Variants in ABCB11 observed in about 807,000 individuals in gnomAD.
ABCB11 encodes the protein bile salt export pump.
A neutral mutation model predicts 148.0 loss-of-function variants in ABCB11; 95 were observed. That is an observed-to-expected ratio of 0.64 (90% confidence interval 0.54 to 0.76). ABCB11 has a LOEUF of 0.76. Ranked by LOEUF, ABCB11 falls within the 30% of genes least tolerant of loss-of-function variation. ABCB11 has a pLI of 0.00. For missense variants in ABCB11, 1,523 were observed against 1,617.8 expected (o/e 0.94, Z 1.01); for synonymous variants, 591 against 555.4 (o/e 1.06, Z -0.90).
intron 16 of ABCB11, 86 bp from the exon 17 acceptor site, chr2:168,968,576 A>G: frequency 1.8e-6 from 2 of 1,131,206 alleles, no homozygotes; most frequent in Non-Finnish European, 2.5e-6. Flanking sequence ...GTTTGCTTAG[A>G]ATATAATTAC....
At chr2:168,946,245 C>G (rs903684620) in intron 19 of ABCB11, among the ~76,000 whole-genome samples, 4 of 151,830 alleles carry the variant, frequency 2.6e-5, no homozygotes, top group Non-Finnish European at 5.9e-5. Flanking sequence ...GTCATTAAAA[C>G]AGTGTCAACA....
chr2:169,010,776 A>G (rs987425075), intron 5 of ABCB11, among the ~76,000 whole-genome samples: 1 of 152,176 alleles, frequency 6.6e-6, no homozygotes, highest in African/African-American at 2.4e-5. Flanking sequence ...TAGAACAAAT[A>G]GTATTCATGT....
rs755766647 is a variant in ABCB11, at chr2:168,944,645, A to G, written c.2570T>C (p.Leu857Ser). The G allele has an allele frequency of 6.2e-7, 1 of 1,611,642 alleles. No individual in the cohort carries two copies. The highest frequency in any genetic ancestry group is 8.5e-7 in the Non-Finnish European group (1 of 1,178,702). Residue 857 changes from leucine to serine, a missense_variant, in exon 21 of 28, where the codon TTG (leucine) becomes TCG (serine). Transcript: ENST00000650372. ...FDDLRNSPGA[L>S]TTRLATDASQ... The stretch of plus-strand genomic sequence containing the variant: ...AGCATCTGTAGCAAGTCTTGTTGTC[A>G]ATGCTCCAGGGCTATTTCTGAGGTC...
intron 18 of ABCB11, among the ~76,000 whole-genome samples, chr2:168,962,627 T>A (rs979497264): frequency 2.0e-5 from 3 of 151,720 alleles, no homozygotes; most frequent in African/African-American, 7.2e-5. Flanking sequence ...TAGAAAAAAT[T>A]AAAATGCAAA....
chr2:168,924,091 G>C (rs547264107), intron 27 of ABCB11, among the ~76,000 whole-genome samples: 1 of 152,190 alleles, frequency 6.6e-6, no homozygotes, highest in East Asian at 1.9e-4. Flanking sequence ...TGATGGTCTA[G>C]TTTCCTGAAA....
At chr2:169,029,616 G>C (rs116726197) in intron 1 of ABCB11, among the ~76,000 whole-genome samples, 597 of 152,088 alleles carry the variant, frequency 3.9e-3, no homozygotes, top group Non-Finnish European at 6.3e-3. Flanking sequence ...TTCTTCAGAG[G>C]CACCGTTGAG....
intron 5 of ABCB11, among the ~76,000 whole-genome samples, chr2:168,997,054 AG>A (rs1694740185): frequency 6.6e-6 from 1 of 152,138 alleles, no homozygotes; most frequent in East Asian, 1.9e-4. Context: ...CCTAAATGGC[AG>A]CCCAGGGCTT....
chr2:168,972,165 T>A (rs1484222158), intron 13 of ABCB11, 115 bp from the exon 14 acceptor site: 2 of 867,670 alleles, frequency 2.3e-6, no homozygotes, highest in Non-Finnish European at 3.6e-6. Flanking sequence ...AAGATTCTAA[T>A]GGAAACAATT....
intron 17 of ABCB11, among the ~76,000 whole-genome samples, chr2:168,965,740 G>T (rs1693285907): frequency 6.6e-6 from 1 of 151,792 alleles, no homozygotes; most frequent in Non-Finnish European, 1.5e-5. Flanking sequence ...CCATCTAGAT[G>T]AATCCATTCA....
chr2:168,955,119 T>G (rs972288274), intron 19 of ABCB11, among the ~76,000 whole-genome samples: 1 of 151,676 alleles, frequency 6.6e-6, no homozygotes, highest in East Asian at 1.9e-4. Context: ...AAAATGCTAT[T>G]TATCTCCTTG....
intron 10 of ABCB11, among the ~76,000 whole-genome samples, chr2:168,985,436 T>C (rs1393164723): frequency 6.6e-6 from 1 of 152,142 alleles, no homozygotes; most frequent in African/African-American, 2.4e-5. Context: ...ACAAAAGAGA[T>C]ACTTGCACAC....
At chr2:168,949,525 A>C (rs2105920370) in intron 19 of ABCB11, among the ~76,000 whole-genome samples, 1 of 151,828 alleles carries the variant, frequency 6.6e-6, no homozygotes, top group South Asian at 2.1e-4. Context: ...GCTGCAAAAG[A>C]CATGATTTCA....
In ABCB11 at chr2:168,995,419, T is replaced by C. The variant is rs1202797923; in HGVS notation, c.541A>G (p.Arg181Gly). 1.9e-6 allele frequency: 3 copies of C among 1,612,404 alleles called. No homozygotes were observed. The highest frequency in any genetic ancestry group is 1.1e-5 in the South Asian group (1 of 90,976). Residue 181 changes from arginine to glycine, a missense_variant, in exon 7 of 28, where the codon AGA becomes GGA. Physicochemically the swap from Arg to Gly is moderately radical, Grantham distance 125. Coordinates refer to ENST00000650372, the MANE Select transcript of ABCB11 (RefSeq NM_003742.4). ...CACCCTATTTCCATTCTCATTATTC[T>C]CCTAAAGTAAAATTTTCTCATTTTC... ...IQKMRKFYFR[R>G]IMRMEIGWFD...
intron 21 of ABCB11, among the ~76,000 whole-genome samples, chr2:168,942,306 A>G (rs972241821): frequency 2.0e-5 from 3 of 151,870 alleles, no homozygotes; most frequent in African/African-American, 7.2e-5. Flanking sequence ...TAGCAATCCT[A>G]CTGTGTATGT....
chr2:169,010,666 C>T (rs975308598), intron 5 of ABCB11, among the ~76,000 whole-genome samples: 3 of 152,194 alleles, frequency 2.0e-5, no homozygotes, highest in Non-Finnish European at 4.4e-5. Flanking sequence ...AAACTACTTA[C>T]AGGTAGAAAA....
chr2:168,930,951 C>T (rs751483031), intron 24 of ABCB11, 89 bp from the exon 25 acceptor site: 12 of 1,157,548 alleles, frequency 1.0e-5, no homozygotes, highest in Non-Finnish European at 1.5e-5. Flanking sequence ...AAAATCCCTG[C>T]TTGAGATACC....
intron 19 of ABCB11, among the ~76,000 whole-genome samples, chr2:168,953,772 C>T (rs990181078): frequency 3.3e-5 from 5 of 151,726 alleles, no homozygotes; most frequent in Non-Finnish European, 5.9e-5. Flanking sequence ...ACCTGCGTCC[C>T]ATTCTATTCA....
At chr2:168,924,132 T>C (rs1405792884) in intron 27 of ABCB11, among the ~76,000 whole-genome samples, 1 of 152,188 alleles carries the variant, frequency 6.6e-6, no homozygotes, top group African/African-American at 2.4e-5. Context: ...AGGGTAGCAG[T>C]TAAGTGGCCA....
chr2:169,016,948 T>C (rs1695377173), intron 2 of ABCB11, 149 bp from the exon 3 acceptor site: 4 of 623,262 alleles, frequency 6.4e-6, no homozygotes, highest in Admixed American at 5.7e-5. Context: ...CTTTTCTTTC[T>C]TCCTGCTCAT....
Sources: gnomAD v4.1 joint callset for allele counts (sites outside exome capture counted in the v4.1 genomes callset) on GRCh38, gnomAD v4.1.1 for gene constraint, MANE v1.5 for transcripts, NCBI Gene and HGNC (gene_info 2026-07-23, HGNC 2026-07-21) for gene names.